The following SLCO5A1 variants were observed in gnomAD, a reference collection of about 807,000 sequenced individuals.
SLCO5A1 encodes solute carrier organic anion transporter family member 5A1.
A neutral mutation model predicts 65.1 loss-of-function variants in SLCO5A1; 39 were observed. The ratio of observed to expected loss-of-function variants is 0.60; its 90% CI spans 0.46 to 0.78. The LOEUF is 0.78. SLCO5A1 is among the 30% of genes least tolerant of loss of function. The pLI, the probability that SLCO5A1 is intolerant of heterozygous loss-of-function variation, is 0.00. For missense variants in SLCO5A1, 1,029 were observed against 1,069.4 expected (o/e 0.96, Z 0.53); for synonymous variants, 438 against 415.7 (o/e 1.05, Z -0.65).
chr8:69,767,379 T>C (rs1039507179), intron 2 of SLCO5A1, among the ~76,000 whole-genome samples: 1 of 152,192 alleles, frequency 6.6e-6, no homozygotes, highest in Non-Finnish European at 1.5e-5. Context: ...TAGTACTACA[T>C]AGTGGATAAA....
At chr8:69,764,114 C>T (rs545105225) in intron 2 of SLCO5A1, among the ~76,000 whole-genome samples, 12 of 152,312 alleles carry the variant, frequency 7.9e-5, no homozygotes, top group African/African-American at 2.6e-4. Flanking sequence ...CCACCCACTT[C>T]GGCCTCCCAA....
chr8:69,761,267 G>A lies in SLCO5A1; in HGVS notation c.1040+476C>T, dbSNP rs146227061. 2.4e-3 allele frequency: 399 copies of A among 164,574 alleles called. 2 individuals are homozygous for A. The highest frequency in any genetic ancestry group is 0.014 in the Middle Eastern group (5 of 346). The allele number at this position is 164,574 out of a possible 1,614,324, so 10.2% of individuals were successfully genotyped here. A position where few individuals can be genotyped will look rare whatever the true frequency, so the allele number is the denominator to read the frequency against. On this transcript the variant is annotated intron_variant, in intron 3 of 9. Transcript: ENST00000260126. ...ACAATCTGATTCATGTCACAGTTCT[G>A]GAGGTCAGAAGTGTAAAATGGTTGA...
Position 69,682,304 on chromosome 8 carries a change from G to A in SLCO5A1, c.1662C>T (p.Ser554=), listed in dbSNP as rs762930696. The A allele has an allele frequency of 2.5e-6, 4 of 1,610,656 alleles. No homozygotes were observed. The Admixed American group carries it at 6.7e-5, about 27-fold the overall frequency. ...TTTTACAACCACAATTAACGTTGCA[G>A]CTTCCTGTCAGATTCCTATGGGGCA... is the stretch of plus-strand genomic sequence containing the variant. ...LTMPHRNLTG[S]CNVNCGCKIH... Residue 554 remains serine (S), a synonymous_variant, in exon 7 of 10, where the codon AGC becomes AGT. Transcript: ENST00000260126.
At chr8:69,770,322 C>T (rs1049903112) in intron 2 of SLCO5A1, among the ~76,000 whole-genome samples, 2 of 152,118 alleles carry the variant, frequency 1.3e-5, no homozygotes, top group Non-Finnish European at 2.9e-5. Context: ...CGGCCCGGCA[C>T]GGTATCTCAC....
At position 69,733,693 on chromosome 8, in the gene SLCO5A1, A is replaced by G. The variant is rs572850243; in HGVS notation, c.1423+4347T>C. Among the ~76,000 whole-genome samples, 136 of 152,286 alleles carry G rather than the reference A, an allele frequency of 8.9e-4. 1 individual carries two copies. The highest frequency in any genetic ancestry group is 3.2e-3 in the African/African-American group (133 of 41,552). ...TCTCACGAGACGTGATGGTTTTATA[A>G]GGCAGTTTTTCCTGCTCTTCCTCAC... On this transcript the variant is annotated intron_variant, in intron 5 of 9. Coordinates refer to ENST00000260126, the MANE Select transcript of SLCO5A1 (RefSeq NM_030958.3).
At chr8:69,716,359 C>G (rs184669243) in intron 5 of SLCO5A1, among the ~76,000 whole-genome samples, 2 of 152,182 alleles carry the variant, frequency 1.3e-5, no homozygotes, top group African/African-American at 4.8e-5. Flanking sequence ...AATGGAATTA[C>G]TGGATCATAT....
At chr8:69,746,685 G>A (rs1269985316) in intron 4 of SLCO5A1, among the ~76,000 whole-genome samples, 4 of 152,206 alleles carry the variant, frequency 2.6e-5, no homozygotes, top group Non-Finnish European at 4.4e-5. Context: ...GGAACACCAC[G>A]TGATAATTAT....
At chr8:69,732,846 G>A (rs117869779) in intron 5 of SLCO5A1, among the ~76,000 whole-genome samples, 54 of 151,886 alleles carry the variant, frequency 3.6e-4, no homozygotes, top group East Asian at 3.3e-3. Flanking sequence ...CCGAGTTCAC[G>A]GCACAGCACT....
intron 5 of SLCO5A1, among the ~76,000 whole-genome samples, chr8:69,709,242 G>C (rs1308605290): frequency 6.6e-6 from 1 of 152,190 alleles, no homozygotes; most frequent in Non-Finnish European, 1.5e-5. Flanking sequence ...AGGATGCAGA[G>C]AGGACTTAAA....
intron 5 of SLCO5A1, among the ~76,000 whole-genome samples, chr8:69,722,167 G>A (rs573914757): frequency 2.6e-5 from 4 of 152,112 alleles, no homozygotes; most frequent in Non-Finnish European, 4.4e-5. Flanking sequence ...CAAAGACTCC[G>A]TCTCAAAAAA....
chr8:69,788,190 A>T (rs1819116539), intron 2 of SLCO5A1, among the ~76,000 whole-genome samples: 1 of 152,158 alleles, frequency 6.6e-6, no homozygotes. Context: ...ACACACTAAC[A>T]ATTACCCCAT....
intron 4 of SLCO5A1, among the ~76,000 whole-genome samples, chr8:69,747,985 C>T (rs1190984341): frequency 6.6e-6 from 1 of 152,154 alleles, no homozygotes; most frequent in African/African-American, 2.4e-5. Flanking sequence ...AACACAGGAC[C>T]TATGTGCCCT....
chr8:69,694,932 T>C (rs575769670), intron 6 of SLCO5A1, among the ~76,000 whole-genome samples: 3 of 152,174 alleles, frequency 2.0e-5, no homozygotes, highest in Admixed American at 6.5e-5. Context: ...ATAATAAAGA[T>C]GTAAATTTCC....
At chr8:69,790,255 A>C (rs1278838327) in intron 2 of SLCO5A1, among the ~76,000 whole-genome samples, 1 of 151,820 alleles carries the variant, frequency 6.6e-6, no homozygotes, top group Admixed American at 6.6e-5. Context: ...TAAATGCTTG[A>C]AGGGATGTAT....
intron 8 of SLCO5A1, 146 bp from the exon 9 acceptor site, chr8:69,676,819 C>G: frequency 1.7e-6 from 1 of 577,246 alleles, no homozygotes; most frequent in Admixed American, 3.7e-5. Flanking sequence ...ACAATAGCCA[C>G]ACAAGATTGC....
At chr8:69,745,343 T>C (rs988826557) in intron 4 of SLCO5A1, among the ~76,000 whole-genome samples, 3 of 152,208 alleles carry the variant, frequency 2.0e-5, no homozygotes, top group Non-Finnish European at 4.4e-5. Flanking sequence ...CACACCAACA[T>C]TTCTTTTATG....
chr8:69,730,640 A>G (rs534644518), intron 5 of SLCO5A1, among the ~76,000 whole-genome samples: 9 of 152,320 alleles, frequency 5.9e-5, no homozygotes, highest in African/African-American at 1.9e-4. Context: ...CAAGGCACAA[A>G]ACATGTTCAT....
intron 5 of SLCO5A1, among the ~76,000 whole-genome samples, chr8:69,736,549 T>C (rs1435016974): frequency 6.6e-6 from 1 of 152,140 alleles, no homozygotes; most frequent in Non-Finnish European, 1.5e-5. Context: ...CCTATGTGTA[T>C]CCTGGGGAAC....
Position 69,834,927 on chromosome 8 carries a change from G to A in SLCO5A1, c.-570C>T, listed in dbSNP as rs1821367241. 6.6e-6 allele frequency: 1 copy of A among 152,532 alleles called. No homozygotes were observed. Among genetic ancestry groups the A allele is most frequent in the African/African-American group, 2.4e-5 (1 of 41,420 alleles). 9.4% of individuals were successfully genotyped at this position (152,532 alleles called of 1,614,324 possible). A position where few individuals can be genotyped will look rare whatever the true frequency, so the allele number is the denominator to read the frequency against. On this transcript the variant is annotated 5_prime_UTR_variant, in exon 1 of 10. Transcript: ENST00000260126. ...GGGGCACTGAGCTACGGGAATAGTT[G>A]GGAGCCGCGTGAGGAGGCAGCCTCC... is the stretch of plus-strand genomic sequence containing the variant.
Sources: allele counts gnomAD v4.1 joint callset (sites outside exome capture counted in the v4.1 genomes callset), GRCh38; gene constraint gnomAD v4.1.1; transcripts MANE v1.5; gene names NCBI Gene and HGNC (gene_info 2026-07-23, HGNC 2026-07-21).